Variants in SOBP observed in about 807,000 individuals in gnomAD.
The protein encoded by SOBP is sine oculis binding protein homolog.
In SOBP, 4 loss-of-function variants were observed where a neutral mutation model predicts 53.6. That is an observed-to-expected ratio of 0.07 (90% CI 0.04 to 0.17). SOBP has a LOEUF of 0.17. Among genes scored for constraint, SOBP ranks in the 10% least tolerant of loss-of-function variants. The pLI is 1.00. For missense variants in SOBP, 1,088 were observed against 1,204.7 expected (o/e 0.90, Z 1.43); for synonymous variants, 584 against 522.6 (o/e 1.12, Z -1.60).
intron 4 of SOBP, among the ~76,000 whole-genome samples, chr6:107,543,784 T>C (rs1014891514): frequency 6.6e-6 from 1 of 152,224 alleles, no homozygotes; most frequent in African/African-American, 2.4e-5. Context: ...AAAATGTGGT[T>C]AGCCGTCATC....
At chr6:107,618,579 T>C (rs899699611) in intron 5 of SOBP, among the ~76,000 whole-genome samples, 1 of 152,232 alleles carries the variant, frequency 6.6e-6, no homozygotes, top group African/African-American at 2.4e-5. Flanking sequence ...CTGTTTGAAG[T>C]AGTTTTCTTG....
intron 3 of SOBP, among the ~76,000 whole-genome samples, chr6:107,530,589 T>C (rs569274632): frequency 1.3e-5 from 2 of 152,090 alleles, no homozygotes; most frequent in Admixed American, 1.3e-4. Flanking sequence ...CCGGAAAATG[T>C]TTTTTAAATT....
intron 6 of SOBP, among the ~76,000 whole-genome samples, chr6:107,640,701 A>G (rs1771269120): frequency 6.6e-6 from 1 of 152,224 alleles, no homozygotes; most frequent in Non-Finnish European, 1.5e-5. Context: ...CAAGCATCCA[A>G]CTTTTATATA....
At chr6:107,499,429 CATT>C (rs1782780520) in intron 1 of SOBP, among the ~76,000 whole-genome samples, 1 of 152,144 alleles carries the variant, frequency 6.6e-6, no homozygotes, top group African/African-American at 2.4e-5. Flanking sequence ...GACTATTAGA[CATT>C]ATTATAATTA....
Position 107,633,970 on chromosome 6 carries a change from C to T in SOBP, c.1126C>T (p.Leu376Phe). 3.1e-6 allele frequency: 5 copies of T among 1,614,150 alleles called. No individual in the cohort carries two copies. The highest frequency in any genetic ancestry group is 4.2e-6 in the Non-Finnish European group (5 of 1,180,010). The change falls in exon 6 of 7, where the codon CTT (leucine) becomes TTT (phenylalanine). Residue 376 changes from leucine to phenylalanine, a missense_variant. By Grantham distance (22) the Leu-to-Phe change is conservative. Around this residue, in one of 6 missense-constraint regions of SOBP, gnomAD observed 211 missense variants for 258.9 expected, o/e 0.82. Transcript: ENST00000317357. ...GCCACCTGCTAGCATCGGGCCTCCC[C>T]TTGGCGTCCCGCCTCGGAGCCCTCC... ...VQPPASIGPP[L>F]GVPPRSPPMV...
At chr6:107,522,720 T>C (rs546092355) in intron 3 of SOBP, among the ~76,000 whole-genome samples, 3 of 151,852 alleles carry the variant, frequency 2.0e-5, no homozygotes, top group East Asian at 3.9e-4. Context: ...TTTTTGTATT[T>C]TTTTGTAGAG....
At chr6:107,608,434 C>G (rs190502885) in intron 5 of SOBP, among the ~76,000 whole-genome samples, 6 of 151,738 alleles carry the variant, frequency 4.0e-5, no homozygotes, top group Non-Finnish European at 7.4e-5. Context: ...TTTATAGTTG[C>G]GTGGTATTAG....
intron 4 of SOBP, among the ~76,000 whole-genome samples, chr6:107,549,358 G>T (rs1268369007): frequency 6.6e-6 from 1 of 151,976 alleles, no homozygotes; most frequent in Non-Finnish European, 1.5e-5. Context: ...CCTATACTGG[G>T]GTGGAGCTCA....
intron 6 of SOBP, among the ~76,000 whole-genome samples, chr6:107,652,855 ATT>A (rs34926539): frequency 3.7e-4 from 55 of 148,698 alleles, no homozygotes; most frequent in African/African-American, 1.1e-3. Context: ...GATTGTTAGC[ATT>A]TTTTTTTTTT....
chr6:107,525,708 C>A (rs1783641381), intron 3 of SOBP, among the ~76,000 whole-genome samples: 4 of 152,200 alleles, frequency 2.6e-5, no homozygotes, highest in Admixed American at 2.6e-4. Context: ...AGGTTCAGGA[C>A]TTCATCCCTT....
At chr6:107,495,568 C>T (rs1316206608) in intron 1 of SOBP, among the ~76,000 whole-genome samples, 1 of 152,154 alleles carries the variant, frequency 6.6e-6, no homozygotes, top group Admixed American at 6.5e-5. Context: ...TTCCCTTCTG[C>T]GTTTCCTGCC....
intron 6 of SOBP, among the ~76,000 whole-genome samples, chr6:107,646,328 A>G (rs1485046471): frequency 6.6e-6 from 1 of 152,222 alleles, no homozygotes; most frequent in Non-Finnish European, 1.5e-5. Flanking sequence ...AAATCTCACA[A>G]TCAACAGACC....
chr6:107,534,958 A>G (rs1783950390), intron 4 of SOBP, among the ~76,000 whole-genome samples: 1 of 152,202 alleles, frequency 6.6e-6, no homozygotes, highest in African/African-American at 2.4e-5. Flanking sequence ...CGAGCACTGG[A>G]GTAACAAACC....
intron 6 of SOBP, among the ~76,000 whole-genome samples, chr6:107,644,356 T>C (rs1332222306): frequency 1.3e-5 from 2 of 152,058 alleles, no homozygotes; most frequent in Admixed American, 1.3e-4. Context: ...TCTCAGTCTG[T>C]GTCCACATGA....
chr6:107,645,652 C>G (rs1771522966), intron 6 of SOBP, among the ~76,000 whole-genome samples: 1 of 152,162 alleles, frequency 6.6e-6, no homozygotes, highest in African/African-American at 2.4e-5. Context: ...TTGTTGTAAC[C>G]AAGTGCCTAG....
At chr6:107,615,064 G>T (rs1411616901) in intron 5 of SOBP, among the ~76,000 whole-genome samples, 1 of 152,184 alleles carries the variant, frequency 6.6e-6, no homozygotes, top group Non-Finnish European at 1.5e-5. Context: ...GCCACTCCCT[G>T]AGTAAGGACC....
chr6:107,575,165 C>G (rs1026890705), intron 4 of SOBP, among the ~76,000 whole-genome samples: 2 of 152,178 alleles, frequency 1.3e-5, no homozygotes, highest in African/African-American at 4.8e-5. Context: ...TGCTTAACTT[C>G]TCTACACTTC....
At chr6:107,566,851 G>A (rs1784932699) in intron 4 of SOBP, among the ~76,000 whole-genome samples, 1 of 152,166 alleles carries the variant, frequency 6.6e-6, no homozygotes, top group Non-Finnish European at 1.5e-5. Flanking sequence ...ATGGGTTGCT[G>A]GACACCTTCT....
At chr6:107,625,852 A>G (rs933729175) in intron 5 of SOBP, among the ~76,000 whole-genome samples, 6 of 152,260 alleles carry the variant, frequency 3.9e-5, no homozygotes, top group Non-Finnish European at 8.8e-5. Flanking sequence ...AAAAGTTTGC[A>G]TGACAGAAGA....
Sources: gnomAD v4.1 joint callset for allele counts (sites outside exome capture counted in the v4.1 genomes callset) on GRCh38, gnomAD v4.1.1 for gene constraint, gnomAD v4.1.1 regional missense constraint, MANE v1.5 for transcripts, NCBI Gene and HGNC (gene_info 2026-07-23, HGNC 2026-07-21) for gene names.